The following MPP7 variants were observed in gnomAD, a reference collection of about 807,000 sequenced individuals.
MPP7 encodes the protein MAGUK p55 scaffold protein 7, also known as MAGUK p55 subfamily member 7.
A neutral mutation model predicts 76.5 loss-of-function variants in MPP7; 60 were observed. The observed-to-expected ratio is 0.78, with a 90% CI of 0.64 to 0.97. The LOEUF (loss-of-function observed/expected upper bound fraction) is 0.97. Among genes scored for constraint, MPP7 ranks in the 50% least tolerant of loss-of-function variants. MPP7 has a pLI of 0.00. For synonymous variants in MPP7, 237 were observed against 244.5 expected (o/e 0.97, Z 0.29); for missense variants, 641 against 694.0 (o/e 0.92, Z 0.86).
intron 3 of MPP7, among the ~76,000 whole-genome samples, chr10:28,186,178 TC>T (rs1268733242): frequency 6.6e-6 from 1 of 152,060 alleles, no homozygotes; most frequent in Non-Finnish European, 1.5e-5. Flanking sequence ...AAGCCCTGTC[TC>T]TACTAAAAAT....
chr10:28,060,286 T>A (rs1307173733), intron 13 of MPP7, among the ~76,000 whole-genome samples: 1 of 152,212 alleles, frequency 6.6e-6, no homozygotes, highest in African/African-American at 2.4e-5. Flanking sequence ...CATCTTAGAA[T>A]ACTATTGAAC....
At chr10:28,152,209 T>C (rs1055352985) in intron 3 of MPP7, among the ~76,000 whole-genome samples, 7 of 152,190 alleles carry the variant, frequency 4.6e-5, no homozygotes, top group African/African-American at 1.2e-4. Flanking sequence ...CCTGACCCAA[T>C]TGATAGAGTA....
chr10:28,309,560 CCTT>C (rs1282050783), intron 2 of MPP7, among the ~76,000 whole-genome samples: 2 of 152,184 alleles, frequency 1.3e-5, no homozygotes, highest in Admixed American at 6.5e-5. Flanking sequence ...GAGCACTCCC[CCTT>C]GTTACAAGCT....
intron 12 of MPP7, among the ~76,000 whole-genome samples, chr10:28,070,205 G>C (rs1852175096): frequency 6.6e-6 from 1 of 152,074 alleles, no homozygotes; most frequent in African/African-American, 2.4e-5. Context: ...AGACCATCCT[G>C]GCTAACACGG....
chr10:28,080,112 A>T (rs1852692016), intron 12 of MPP7, among the ~76,000 whole-genome samples: 1 of 151,888 alleles, frequency 6.6e-6, no homozygotes, highest in African/African-American at 2.4e-5. Context: ...AGGAAAGGAA[A>T]GAAAAAGAAA....
chr10:28,079,896 C>T (rs909488260), intron 12 of MPP7, among the ~76,000 whole-genome samples: 2 of 151,864 alleles, frequency 1.3e-5, no homozygotes, highest in South Asian at 2.1e-4. Flanking sequence ...CCGAGGCGGG[C>T]GCATCACCTG....
At chr10:28,228,812 A>G (rs2124955) in intron 2 of MPP7, among the ~76,000 whole-genome samples, 54,540 of 152,004 alleles carry the variant, frequency 0.36, 10,039 homozygotes, top group Non-Finnish European at 0.4. Flanking sequence ...TGCTTCTTAT[A>G]AAAATCATCA....
intron 2 of MPP7, among the ~76,000 whole-genome samples, 164 bp downstream of exon 2, chr10:28,238,404 A>G (rs947124763): frequency 1.3e-5 from 2 of 152,232 alleles, no homozygotes; most frequent in African/African-American, 4.8e-5. Flanking sequence ...TCCTCCAGTA[A>G]CTTTTACCTA....
intron 1 of MPP7, among the ~76,000 whole-genome samples, chr10:28,249,587 G>A (rs914903138): frequency 3.0e-4 from 46 of 152,154 alleles, no homozygotes; most frequent in African/African-American, 9.4e-4. Flanking sequence ...TTTGTACACC[G>A]CCAAAAAAGG....
At chr10:28,132,034 T>C (rs1246605374) in intron 5 of MPP7, among the ~76,000 whole-genome samples, 1 of 152,084 alleles carries the variant, frequency 6.6e-6, no homozygotes, top group Non-Finnish European at 1.5e-5. Context: ...GTGCGGGGGA[T>C]GTTACTTTTG....
intron 3 of MPP7, among the ~76,000 whole-genome samples, chr10:28,187,053 T>C (rs192710861): frequency 1.3e-4 from 20 of 152,360 alleles, no homozygotes; most frequent in Non-Finnish European, 1.5e-5. Context: ...TGGTAGAGCA[T>C]ATAGACTTCC....
chr10:28,147,204 A>G (rs1835737198), intron 5 of MPP7, among the ~76,000 whole-genome samples: 1 of 152,226 alleles, frequency 6.6e-6, no homozygotes, highest in Admixed American at 6.5e-5. Context: ...TAGGTTCTGT[A>G]TAGTGTACTC....
chr10:28,290,200 A>G (rs1416189657), intron 1 of MPP7, among the ~76,000 whole-genome samples: 2 of 152,188 alleles, frequency 1.3e-5, no homozygotes. Flanking sequence ...TCTTGGAGCA[A>G]TAACAAAATA....
At chr10:28,263,576 A>C (rs2132965761) in intron 1 of MPP7, among the ~76,000 whole-genome samples, 1 of 152,246 alleles carries the variant, frequency 6.6e-6, no homozygotes, top group Admixed American at 6.5e-5. Context: ...TAAAATCAAC[A>C]CTGAAGTGTT....
intron 11 of MPP7, among the ~76,000 whole-genome samples, chr10:28,115,958 T>A (rs530377054): frequency 6.6e-6 from 1 of 152,208 alleles, no homozygotes; most frequent in African/African-American, 2.4e-5. Flanking sequence ...AAGAATTTTT[T>A]AAGAGTTATT....
At chr10:28,198,565 ACT>A (rs1181786342) in intron 3 of MPP7, among the ~76,000 whole-genome samples, 1 of 146,870 alleles carries the variant, frequency 6.8e-6, no homozygotes, top group Non-Finnish European at 1.5e-5. Context: ...ACAGAGCAAA[ACT>A]CTGTCTCAGA....
At chr10:28,250,368 A>G (rs552730874) in intron 1 of MPP7, among the ~76,000 whole-genome samples, 2 of 152,234 alleles carry the variant, frequency 1.3e-5, no homozygotes, top group Non-Finnish European at 2.9e-5. Context: ...ACTTTTCTAT[A>G]TATCTTGAAA....
At chr10:28,133,148 T>C (rs1012787878) in intron 5 of MPP7, among the ~76,000 whole-genome samples, 1 of 152,230 alleles carries the variant, frequency 6.6e-6, no homozygotes, top group Non-Finnish European at 1.5e-5. Context: ...CCATCATTTT[T>C]TGCCTGGAGC....
rs576238739 is a variant in MPP7, at chr10:28,299,607, T to C, written c.-132+3254A>G. Among the ~76,000 whole-genome samples, 10 of 152,112 alleles carry C rather than the reference T, an allele frequency of 6.6e-5. No individual in the cohort carries two copies. In the East Asian group the frequency reaches 1.7e-3, roughly 26 times the overall value. ...AAATGAACATACACTATTGGAAAAA[T>C]AGCACCAATCGACTTGCAGGGTTGC... On this transcript the variant is annotated intron_variant, in intron 1 of 16. Coordinates refer to ENST00000683449, the MANE Select transcript of MPP7 (RefSeq NM_001318170.2).
Sources: gnomAD v4.1 joint callset for allele counts (sites outside exome capture counted in the v4.1 genomes callset) on GRCh38, gnomAD v4.1.1 for gene constraint, MANE v1.5 for transcripts, NCBI Gene and HGNC (gene_info 2026-07-23, HGNC 2026-07-21) for gene names.